The following SLC44A5 variants were observed in gnomAD, a reference collection of about 807,000 sequenced individuals.
SLC44A5 encodes the protein choline transporter-like protein 5.
In SLC44A5, 57 loss-of-function variants were observed where a neutral mutation model predicts 101.8. That is an observed-to-expected ratio of 0.56 (90% CI 0.45 to 0.70). SLC44A5 has a LOEUF of 0.70. Ranked by LOEUF, SLC44A5 falls within the 30% of genes least tolerant of loss-of-function variation. SLC44A5 has a pLI of 0.00. For synonymous variants in SLC44A5, 281 were observed against 290.9 expected (o/e 0.97, Z 0.35); for missense variants, 737 against 853.1 (o/e 0.86, Z 1.70).
the SLC44A5 span, among the ~76,000 whole-genome samples, chr1:75,690,435 A>C: frequency 1.3e-5 from 2 of 152,192 alleles, no homozygotes; most frequent in African/African-American, 4.8e-5. Context: ...GTGGGGACCC[A>C]GAGCCAAACT....
At chr1:75,303,529 C>G (rs541531565) in intron 4 of SLC44A5, among the ~76,000 whole-genome samples, 1 of 152,106 alleles carries the variant, frequency 6.6e-6, no homozygotes, top group African/African-American at 2.4e-5. Context: ...CCACCGCACC[C>G]GGCGGAAGTT....
At chr1:75,549,157 C>A (rs1049973753) in intron 1 of SLC44A5, among the ~76,000 whole-genome samples, 1 of 152,058 alleles carries the variant, frequency 6.6e-6, no homozygotes, top group Non-Finnish European at 1.5e-5. Context: ...TTTGCTTTGA[C>A]TCTTTGACCA....
At chr1:75,516,371 G>A (rs1011159450) in intron 2 of SLC44A5, among the ~76,000 whole-genome samples, 1 of 152,000 alleles carries the variant, frequency 6.6e-6, no homozygotes, top group East Asian at 1.9e-4. Context: ...AAAATTAGCC[G>A]GGCGTGGTGG....
intron 2 of SLC44A5, among the ~76,000 whole-genome samples, chr1:75,411,418 G>A (rs1484232331): frequency 1.3e-5 from 2 of 151,976 alleles, no homozygotes; most frequent in Non-Finnish European, 2.9e-5. Flanking sequence ...GCATAATTAC[G>A]TTTCCCCCTC....
chr1:75,468,014 A>G (rs1437201841), intron 2 of SLC44A5, among the ~76,000 whole-genome samples: 2 of 148,412 alleles, frequency 1.3e-5, no homozygotes, highest in Non-Finnish European at 3.0e-5. Flanking sequence ...AAGATGAACA[A>G]AAGATTTGAA....
chr1:75,406,684 A>G (rs1411499848), intron 2 of SLC44A5, among the ~76,000 whole-genome samples: 1 of 152,200 alleles, frequency 6.6e-6, no homozygotes, highest in Non-Finnish European at 1.5e-5. Context: ...AAAACTCTCA[A>G]TAAACTAGGT....
At chr1:75,426,723 T>G (rs1664330000) in intron 2 of SLC44A5, among the ~76,000 whole-genome samples, 1 of 152,230 alleles carries the variant, frequency 6.6e-6, no homozygotes, top group Non-Finnish European at 1.5e-5. Context: ...CTTTGGTAAC[T>G]AGAGCATGGG....
At chr1:75,575,367 C>T (rs1337975723) in intron 1 of SLC44A5, among the ~76,000 whole-genome samples, 3 of 152,118 alleles carry the variant, frequency 2.0e-5, no homozygotes. Context: ...TTATAATGTA[C>T]TTATTCTGAT....
the SLC44A5 span, among the ~76,000 whole-genome samples, chr1:75,640,146 G>T: frequency 6.6e-6 from 1 of 152,044 alleles, no homozygotes; most frequent in African/African-American, 2.4e-5. Flanking sequence ...TTTTTGTTGA[G>T]TTTCTTCTGC....
chr1:75,483,217 T>G (rs547674028), intron 2 of SLC44A5, among the ~76,000 whole-genome samples: 1 of 152,154 alleles, frequency 6.6e-6, no homozygotes, highest in Non-Finnish European at 1.5e-5. Context: ...CAGATGGAGA[T>G]TAATCAATCT....
intron 5 of SLC44A5, among the ~76,000 whole-genome samples, chr1:75,289,267 T>C (rs1557625692): frequency 6.6e-6 from 1 of 152,214 alleles, no homozygotes; most frequent in Admixed American, 6.5e-5. Flanking sequence ...AAAATACCTG[T>C]CAGAGAACAA....
At chr1:75,234,642 T>C (rs892638279) in intron 11 of SLC44A5, among the ~76,000 whole-genome samples, 8 of 152,056 alleles carry the variant, frequency 5.3e-5, no homozygotes, top group Admixed American at 2.0e-4. Context: ...TAATTATCTC[T>C]AGGAGTTTGT....
chr1:75,584,584 T>G (rs970667524), intron 1 of SLC44A5, among the ~76,000 whole-genome samples: 4 of 152,246 alleles, frequency 2.6e-5, no homozygotes, highest in Admixed American at 6.5e-5. Flanking sequence ...GGGGTTTTTT[T>G]GGGATTTTTG....
At chr1:75,350,201 A>T (rs1658541614) in intron 3 of SLC44A5, among the ~76,000 whole-genome samples, 1 of 151,998 alleles carries the variant, frequency 6.6e-6, no homozygotes, top group Admixed American at 6.6e-5. Context: ...TTCTTATAAG[A>T]AGAGGAAAGG....
chr1:75,336,748 C>T (rs960761828), intron 4 of SLC44A5, among the ~76,000 whole-genome samples: 1 of 152,062 alleles, frequency 6.6e-6, no homozygotes, highest in African/African-American at 2.4e-5. Flanking sequence ...TGTATGAGGA[C>T]CTGTAAATCT....
intron 4 of SLC44A5, among the ~76,000 whole-genome samples, chr1:75,333,676 G>A (rs908751380): frequency 6.6e-6 from 1 of 152,134 alleles, no homozygotes; most frequent in Admixed American, 6.5e-5. Context: ...AGTTCAGTAG[G>A]AGAGGCAGAT....
intron 2 of SLC44A5, among the ~76,000 whole-genome samples, chr1:75,496,624 AT>A (rs1282030351): frequency 6.6e-6 from 1 of 151,626 alleles, no homozygotes; most frequent in Non-Finnish European, 1.5e-5. Flanking sequence ...AAAAAAAACA[AT>A]AAAAGTGGGA....
chr1:75,392,523 A>G (rs1661859414), intron 3 of SLC44A5, among the ~76,000 whole-genome samples: 1 of 152,228 alleles, frequency 6.6e-6, no homozygotes, highest in African/African-American at 2.4e-5. Flanking sequence ...GTGAGTACAC[A>G]GAGAAAAAGG....
the SLC44A5 span, among the ~76,000 whole-genome samples, chr1:75,645,216 T>A: frequency 2.0e-5 from 3 of 152,202 alleles, no homozygotes; most frequent in Admixed American, 6.5e-5. Context: ...TCTTCCACAA[T>A]GGTTGAACTA....
Sources: gnomAD v4.1 joint callset for allele counts (sites outside exome capture counted in the v4.1 genomes callset) on GRCh38, gnomAD v4.1.1 for gene constraint, MANE v1.5 for transcripts, NCBI Gene and HGNC (gene_info 2026-07-23, HGNC 2026-07-21) for gene names.